ZNF883: variants seen among roughly 807,000 people sequenced by gnomAD.
ZNF883 encodes zinc finger protein 883.
chr9:113,003,072 A>T (rs1277928575), upstream of ZNF883, among the ~76,000 whole-genome samples: 1 of 152,180 alleles, frequency 6.6e-6, no homozygotes, highest in Non-Finnish European at 1.5e-5. Flanking sequence ...AGCAGCACAA[A>T]CTAAGACACC....
chr9:113,012,008 G>C (rs1436487158), intron 1 of ZNF883, 142 bp downstream of exon 1: 2 of 152,498 alleles, frequency 1.3e-5, no homozygotes, highest in Non-Finnish European at 2.9e-5. Context: ...TACCCAGCCT[G>C]ACCTAATCGG....
chr9:113,004,790 C>T (rs1433559158), intron 2 of ZNF883, among the ~76,000 whole-genome samples: 1 of 149,738 alleles, frequency 6.7e-6, no homozygotes, highest in East Asian at 1.9e-4. Flanking sequence ...AGGGTGGGGA[C>T]TTGCCCATAC....
chr9:113,002,939 T>C (rs1188370404), upstream of ZNF883, among the ~76,000 whole-genome samples: 3 of 152,194 alleles, frequency 2.0e-5, no homozygotes, highest in South Asian at 2.1e-4. Context: ...TCCTGAAGCA[T>C]AGACTGAGCC....
chr9:112,997,737 G>C (rs759221454), exon 1 of ZNF883: 1 of 1,613,856 alleles, frequency 6.2e-7, no homozygotes. Flanking sequence ...TCCTCAGAAT[G>C]AATTCCCTGA....
chr9:113,009,197 T>A (rs531840535), intron 2 of ZNF883, among the ~76,000 whole-genome samples: 1 of 152,288 alleles, frequency 6.6e-6, no homozygotes, highest in Non-Finnish European at 1.5e-5. Flanking sequence ...TATATGTAAA[T>A]CTTAATAGAG....
chr9:113,004,463 G>C (rs1828456598), intron 2 of ZNF883, among the ~76,000 whole-genome samples: 1 of 151,950 alleles, frequency 6.6e-6, no homozygotes, highest in Non-Finnish European at 1.5e-5. Flanking sequence ...ATAGTATTAG[G>C]TGAGGCCTTT....
chr9:112,996,389 TAA>T (rs1162036588), downstream of ZNF883, among the ~76,000 whole-genome samples: 1 of 152,212 alleles, frequency 6.6e-6, no homozygotes, highest in African/African-American at 2.4e-5. Flanking sequence ...AAACCCTCTA[TAA>T]AAGTGTTTCT....
At chr9:113,004,468 G>A (rs1828457125) in intron 2 of ZNF883, among the ~76,000 whole-genome samples, 1 of 152,042 alleles carries the variant, frequency 6.6e-6, no homozygotes, top group South Asian at 2.1e-4. Flanking sequence ...ATTAGGTGAG[G>A]CCTTTGGGAG....
intron 1 of ZNF883, among the ~76,000 whole-genome samples, chr9:112,989,904 TG>T (rs761265087): frequency 1.3e-5 from 2 of 152,128 alleles, no homozygotes; most frequent in African/African-American, 2.4e-5. Context: ...GTTTATGATT[TG>T]GCTTTCTGCT....
intron 2 of ZNF883, among the ~76,000 whole-genome samples, chr9:113,008,290 G>C: frequency 6.6e-6 from 1 of 152,046 alleles, no homozygotes; most frequent in Non-Finnish European, 1.5e-5. Context: ...AACTCAAATA[G>C]AAAAATACAG....
chr9:113,006,575 T>G (rs796678666), intron 2 of ZNF883, among the ~76,000 whole-genome samples: 3 of 152,180 alleles, frequency 2.0e-5, no homozygotes, highest in South Asian at 4.1e-4. Flanking sequence ...GAGTTCACCT[T>G]GTGATATATC....
At chr9:112,995,534 TTCC>T, downstream of ZNF883, among the ~76,000 whole-genome samples, 1 of 151,794 alleles carries the variant, frequency 6.6e-6, no homozygotes, top group African/African-American at 2.4e-5. Context: ...CTTTCCTACT[TTCC>T]TTTCTCTCTC....
downstream of ZNF883, among the ~76,000 whole-genome samples, chr9:112,995,459 C>T (rs1828341712): frequency 1.3e-5 from 2 of 151,852 alleles, no homozygotes; most frequent in Non-Finnish European, 2.9e-5. Flanking sequence ...TTCCTTCCTT[C>T]TTTCCCTCTC....
intron 2 of ZNF883, among the ~76,000 whole-genome samples, chr9:113,006,870 T>C (rs1828482319): frequency 6.7e-6 from 1 of 149,262 alleles, no homozygotes; most frequent in Non-Finnish European, 1.5e-5. Flanking sequence ...AGATTTTATC[T>C]TTCTGAGCAA....
chr9:112,998,191 A>G, exon 1 of ZNF883: 11 of 1,613,774 alleles, frequency 6.8e-6, no homozygotes, highest in Non-Finnish European at 9.3e-6. Context: ...ATGCAAGACA[A>G]GTGTAGCCTT....
At chr9:112,989,321 A>G (rs905385093) in intron 1 of ZNF883, among the ~76,000 whole-genome samples, 1 of 152,022 alleles carries the variant, frequency 6.6e-6, no homozygotes, top group Non-Finnish European at 1.5e-5. Flanking sequence ...GAAGGGGTCC[A>G]GTTTCAATTT....
chr9:112,991,448 A>T (rs1348389330), intron 1 of ZNF883, among the ~76,000 whole-genome samples: 1 of 151,274 alleles, frequency 6.6e-6, no homozygotes, highest in Non-Finnish European at 1.5e-5. Context: ...GGTCTGAGAG[A>T]GTGTGATTTA....
chr9:112,997,011 A>T, downstream of ZNF883: 1 of 1,002,656 alleles, frequency 1.0e-6, no homozygotes, highest in Non-Finnish European at 1.4e-6. Context: ...TAAGTAAATG[A>T]GTGTTTTGCC....
chr9:113,003,984 C>G (rs578229920), intron 2 of ZNF883, among the ~76,000 whole-genome samples: 9 of 152,252 alleles, frequency 5.9e-5, no homozygotes, highest in Middle Eastern at 3.4e-3. Flanking sequence ...TATTTGGAAA[C>G]AGGATCACTG....
Sources: allele counts gnomAD v4.1 joint callset (sites outside exome capture counted in the v4.1 genomes callset), GRCh38; gene constraint gnomAD v4.1.1; transcripts MANE v1.5; gene names NCBI Gene and HGNC (gene_info 2026-07-23, HGNC 2026-07-21).